SHB: variants seen among roughly 807,000 people sequenced by gnomAD.
The protein encoded by SHB is SH2 domain containing adaptor protein B, also known as SH2 domain-containing adapter protein B.
Under a neutral mutation model 52.3 loss-of-function variants are expected in SHB, and 20 were observed. The ratio of observed to expected loss-of-function variants is 0.38; its 90% CI spans 0.27 to 0.56. The LOEUF (loss-of-function observed/expected upper bound fraction) is 0.56. Ranked by LOEUF, SHB falls within the 20% of genes least tolerant of loss-of-function variation. The probability of loss-of-function intolerance (pLI) is 0.71; values close to 1 mark genes in which losing one functional copy is unlikely to be tolerated. For synonymous variants in SHB, 397 were observed against 316.5 expected (o/e 1.25, Z -2.70); for missense variants, 825 against 723.3 (o/e 1.14, Z -1.61).
intron 2 of SHB, among the ~76,000 whole-genome samples, chr9:37,993,038 G>C (rs770055263): frequency 6.6e-6 from 1 of 152,210 alleles, no homozygotes; most frequent in Admixed American, 6.5e-5. Flanking sequence ...TCTCAGCCAG[G>C]AGTTAGCGGC....
At chr9:37,927,789 C>T (rs754459333) in intron 5 of SHB, among the ~76,000 whole-genome samples, 1 of 152,118 alleles carries the variant, frequency 6.6e-6, no homozygotes, top group African/African-American at 2.4e-5. Flanking sequence ...CTTTTGTAGT[C>T]CCCCCTCAGG....
chr9:38,051,510 T>C (rs1821749307), intron 1 of SHB, among the ~76,000 whole-genome samples: 1 of 150,770 alleles, frequency 6.6e-6, no homozygotes, highest in Non-Finnish European at 1.5e-5. Flanking sequence ...CCTCAAAGCA[T>C]GCCCGGGTTG....
chr9:37,984,474 G>A (rs977053285), intron 2 of SHB, among the ~76,000 whole-genome samples: 14 of 152,190 alleles, frequency 9.2e-5, no homozygotes, highest in African/African-American at 3.1e-4. Context: ...TTATAGATGG[G>A]GAAACTGAGG....
chr9:37,959,941 A>T (rs1159679917), intron 3 of SHB, among the ~76,000 whole-genome samples: 1 of 152,210 alleles, frequency 6.6e-6, no homozygotes, highest in Non-Finnish European at 1.5e-5. Context: ...GTGCTCAATA[A>T]GTGATTAAAT....
chr9:37,971,866 G>A (rs1474739229), intron 3 of SHB, among the ~76,000 whole-genome samples: 1 of 152,224 alleles, frequency 6.6e-6, no homozygotes, highest in Non-Finnish European at 1.5e-5. Flanking sequence ...GCAGAAGTGG[G>A]CAAGTTCTGG....
chr9:38,062,759 T>C (rs933199758), intron 1 of SHB, among the ~76,000 whole-genome samples: 2 of 152,164 alleles, frequency 1.3e-5, no homozygotes, highest in Non-Finnish European at 2.9e-5. Flanking sequence ...TAAAACCTTA[T>C]CGTTTAAAGC....
intron 1 of SHB, among the ~76,000 whole-genome samples, chr9:38,055,826 C>A (rs757923439): frequency 7.9e-5 from 12 of 152,136 alleles, no homozygotes; most frequent in Non-Finnish European, 1.8e-4. Flanking sequence ...GGGCAGACCA[C>A]CGTGATTGCC....
chr9:38,045,425 A>AC (rs146813379), intron 1 of SHB, among the ~76,000 whole-genome samples: 13,153 of 149,312 alleles, frequency 0.088, 654 homozygotes, highest in Middle Eastern at 0.13. Context: ...ACATGGTGAG[A>AC]CCCCCCCCAC....
At chr9:38,062,961 A>C (rs1821913986) in intron 1 of SHB, among the ~76,000 whole-genome samples, 1 of 152,226 alleles carries the variant, frequency 6.6e-6, no homozygotes, top group Non-Finnish European at 1.5e-5. Context: ...GTGATTTGTT[A>C]TGTAGCAACA....
chr9:37,926,628 C>T (rs1451465680), intron 5 of SHB, among the ~76,000 whole-genome samples: 1 of 152,238 alleles, frequency 6.6e-6, no homozygotes, highest in Non-Finnish European at 1.5e-5. Flanking sequence ...GCCAGGCAGA[C>T]ACACGACCCC....
At chr9:38,024,777 G>C (rs960835782) in intron 1 of SHB, among the ~76,000 whole-genome samples, 3 of 152,204 alleles carry the variant, frequency 2.0e-5, no homozygotes, top group Non-Finnish European at 4.4e-5. Context: ...ACTATGGATA[G>C]AAAATCCAGC....
In SHB at chr9:37,919,545, A is replaced by T; in HGVS notation, c.*276T>A. On this transcript the variant is annotated 3_prime_UTR_variant, in exon 6 of 6. Transcript: ENST00000377707. ...TCTGCCTTTGTTCATCCTGGAAGGC[A>T]TCTCTTTGGATTTGCAAATATTTTA... is the stretch of plus-strand genomic sequence containing the variant. 5.7e-6 allele frequency: 1 copy of T among 174,000 alleles called. No individual in the cohort carries two copies. Among genetic ancestry groups the T allele is most frequent in the Non-Finnish European group, 1.2e-5 (1 of 86,592 alleles). 10.8% of individuals were successfully genotyped at this position (174,000 alleles called of 1,614,324 possible). A position where few individuals can be genotyped will look rare whatever the true frequency, so the allele number is the denominator to read the frequency against.
chr9:37,949,392 CAA>C (rs771495216), intron 4 of SHB, among the ~76,000 whole-genome samples: 118 of 50,254 alleles, frequency 2.3e-3, no homozygotes, highest in Non-Finnish European at 3.6e-3. Flanking sequence ...GACTCCATCT[CAA>C]AAAAAAAAAA....
intron 5 of SHB, among the ~76,000 whole-genome samples, chr9:37,941,011 G>A (rs749812494): frequency 3.9e-5 from 6 of 152,246 alleles, no homozygotes; most frequent in Admixed American, 6.5e-5. Context: ...ACAACGTACA[G>A]AGTGCAAGAG....
At chr9:37,945,947 G>A (rs1261396459) in intron 5 of SHB, among the ~76,000 whole-genome samples, 1 of 152,210 alleles carries the variant, frequency 6.6e-6, no homozygotes, top group Non-Finnish European at 1.5e-5. Context: ...CAGAATTCTG[G>A]ACAATGGGTC....
At chr9:37,988,135 C>T (rs1356632884) in intron 2 of SHB, among the ~76,000 whole-genome samples, 1 of 152,224 alleles carries the variant, frequency 6.6e-6, no homozygotes, top group African/African-American at 2.4e-5. Context: ...TTGGCACATG[C>T]TCTGCCCACC....
rs529611709 is a variant in SHB at position 38,002,245 on chromosome 9, T to C, written c.838+13766A>G. 9.9e-5 allele frequency among the ~76,000 whole-genome samples: 15 copies of C among 152,232 alleles called. No individual in the cohort carries two copies. In the South Asian group the frequency reaches 1.0e-3, roughly 11 times the overall value. ...GGTGATAGCAATAACCCCACACATA[T>C]AACTGAAGGCCACAGTCTTGGAAGA... On this transcript the variant is annotated intron_variant, in intron 2 of 5. Transcript: ENST00000377707.
intron 5 of SHB, among the ~76,000 whole-genome samples, chr9:37,921,323 G>A (rs913051763): frequency 4.6e-5 from 7 of 152,168 alleles, no homozygotes; most frequent in African/African-American, 1.7e-4. Context: ...CCTAGCCGCT[G>A]TCGCTCCCAC....
intron 5 of SHB, among the ~76,000 whole-genome samples, chr9:37,938,047 G>C (rs774572247): frequency 2.0e-5 from 3 of 152,200 alleles, no homozygotes; most frequent in Non-Finnish European, 2.9e-5. Flanking sequence ...ATGCCTCTAG[G>C]TAAGGGCCAA....
Sources: gnomAD v4.1 joint callset for allele counts (sites outside exome capture counted in the v4.1 genomes callset) on GRCh38, gnomAD v4.1.1 for gene constraint, MANE v1.5 for transcripts, NCBI Gene and HGNC (gene_info 2026-07-23, HGNC 2026-07-21) for gene names.